Variants in GPR63 observed in about 807,000 individuals in gnomAD.
The protein encoded by GPR63 is G protein-coupled receptor 63.
In GPR63, 12 loss-of-function variants were observed where a neutral mutation model predicts 23.1. That is an observed-to-expected ratio of 0.52 (90% CI 0.33 to 0.84). The LOEUF (loss-of-function observed/expected upper bound fraction) is 0.84. GPR63 is among the 40% of genes least tolerant of loss of function. The pLI, the probability that GPR63 is intolerant of heterozygous loss-of-function variation, is 0.02. For missense variants in GPR63, 472 were observed against 515.6 expected, an observed-to-expected ratio of 0.92 and a Z score of 0.82; for synonymous variants, 172 against 191.1, an observed-to-expected ratio of 0.90 and a Z score of 0.82.
chr6:96,817,660 C>T (rs898131851), intron 1 of GPR63, among the ~76,000 whole-genome samples: 1 of 151,956 alleles, frequency 6.6e-6, no homozygotes, highest in East Asian at 1.9e-4. Context: ...TACACAGCCA[C>T]GAAAATGGGC....
At chr6:96,827,129 C>T (rs925647081) in intron 1 of GPR63, among the ~76,000 whole-genome samples, 1 of 147,568 alleles carries the variant, frequency 6.8e-6, no homozygotes, top group African/African-American at 2.5e-5. Context: ...GAAAAAAAGA[C>T]AAACTCACAA....
At chr6:96,802,314 C>T (rs2127944568) in intron 1 of GPR63, among the ~76,000 whole-genome samples, 1 of 152,228 alleles carries the variant, frequency 6.6e-6, no homozygotes, top group African/African-American at 2.4e-5. Context: ...TTCAATATTT[C>T]ATCAAATATC....
intron 1 of GPR63, among the ~76,000 whole-genome samples, chr6:96,833,780 T>C (rs1774650894): frequency 6.6e-6 from 1 of 151,898 alleles, no homozygotes; most frequent in Non-Finnish European, 1.5e-5. Flanking sequence ...AAGAATCAAT[T>C]AATATATATG....
intron 1 of GPR63, among the ~76,000 whole-genome samples, chr6:96,814,592 C>G (rs560602759): frequency 2.0e-5 from 3 of 152,180 alleles, no homozygotes; most frequent in African/African-American, 7.2e-5. Context: ...AAAGTTTCTG[C>G]TCTTTACAAA....
rs551125745 is a variant in GPR63 at position 96,820,779 on chromosome 6, T to C, written c.-151+16489A>G. 3.9e-5 allele frequency among the ~76,000 whole-genome samples: 6 copies of C among 152,306 alleles called. No individual in the cohort carries two copies. The East Asian group carries it at 9.6e-4, about 24-fold the overall frequency. On this transcript the variant is annotated intron_variant, in intron 1 of 1. Coordinates refer to ENST00000229955, the MANE Select transcript of GPR63 (RefSeq NM_030784.4). ...GCAACTCTGTACTCATCTGACCCCA[T>C]ATGCCTATCTTCACAATTAGACATT...
At position 96,798,912 on chromosome 6, in the gene GPR63, A is replaced by G. The variant is rs752888728; in HGVS notation, c.820T>C (p.Leu274=). The G allele has an allele frequency of 1.9e-6, 3 of 1,614,100 alleles. No individual in the cohort carries two copies. The highest frequency in any genetic ancestry group is 2.7e-5 in the African/African-American group (2 of 74,944). Residue 274 remains leucine (L), a synonymous_variant, in exon 2 of 2, where the codon TTG becomes CTG. Coordinates refer to ENST00000229955, the MANE Select transcript of GPR63 (RefSeq NM_030784.4). ...CCTTCAGGGTAGCTATGGATCCTCA[A>G]GGCATTGTGCCGAAGGGTGTTGAGT... ...GILNTLRHNA[L]RIHSYPEGIC...
chr6:96,812,837 A>T (rs570870115), intron 1 of GPR63, among the ~76,000 whole-genome samples: 368 of 152,206 alleles, frequency 2.4e-3, no homozygotes, highest in African/African-American at 8.4e-3. Flanking sequence ...TAACATTTCT[A>T]TGTGTTGGGA....
intron 1 of GPR63, among the ~76,000 whole-genome samples, chr6:96,823,328 G>A (rs1774357057): frequency 6.6e-6 from 1 of 152,084 alleles, no homozygotes; most frequent in Admixed American, 6.6e-5. Context: ...GGTGGGACAA[G>A]CTATAGAAGT....
chr6:96,824,763 T>C (rs1774397831), intron 1 of GPR63, among the ~76,000 whole-genome samples: 1 of 152,132 alleles, frequency 6.6e-6, no homozygotes, highest in African/African-American at 2.4e-5. Flanking sequence ...TGGTGTTTGG[T>C]TGTTACTGGG....
chr6:96,799,630 T>C lies in GPR63; in HGVS notation c.102A>G (p.Pro34=). Residue 34 remains proline, a synonymous_variant, in exon 2 of 2, where the codon CCA becomes CCG. Coordinates refer to ENST00000229955, the MANE Select transcript of GPR63 (RefSeq NM_030784.4). ...NTYMNITLPP[P]FQHPDLSPLL... ...ATGGACTGAGGTCAGGATGCTGGAA[T>C]GGTGGAGGGAGTGTAATATTCATGT... 1 of 1,614,102 alleles carries C rather than the reference T, an allele frequency of 6.2e-7. No individual in the cohort carries two copies. Among genetic ancestry groups the C allele is most frequent in the Non-Finnish European group, 8.5e-7 (1 of 1,180,014 alleles).
intron 1 of GPR63, among the ~76,000 whole-genome samples, chr6:96,819,221 T>C (rs1435106209): frequency 6.6e-6 from 1 of 152,192 alleles, no homozygotes; most frequent in East Asian, 1.9e-4. Flanking sequence ...CATGTACACA[T>C]ATGTTTACTG....
intron 1 of GPR63, among the ~76,000 whole-genome samples, chr6:96,816,037 G>A (rs1380990829): frequency 6.6e-6 from 1 of 151,992 alleles, no homozygotes; most frequent in Non-Finnish European, 1.5e-5. Flanking sequence ...AAAGATTAAT[G>A]AAAAAACTAA....
chr6:96,798,477 C>G lies in GPR63; in HGVS notation c.1255G>C (p.Val419Leu). ...VYVCGEHRTV[V>L] ...ATGTCAGCCAGTTCCAATATTCACA[C>G]CACCGTCCGATGTTCCCCACACACA... Residue 419 changes from valine (V) to leucine (L), a missense_variant, in exon 2 of 2, where the codon GTG becomes CTG. Coordinates refer to ENST00000229955, the MANE Select transcript of GPR63 (RefSeq NM_030784.4). 1 of 1,611,440 alleles carries G rather than the reference C, an allele frequency of 6.2e-7. No individual in the cohort carries two copies. Among genetic ancestry groups the G allele is most frequent in the South Asian group, 1.1e-5 (1 of 90,958 alleles).
intron 1 of GPR63, among the ~76,000 whole-genome samples, chr6:96,823,582 A>G (rs1003416548): frequency 6.6e-6 from 1 of 152,188 alleles, no homozygotes; most frequent in Non-Finnish European, 1.5e-5. Flanking sequence ...TAAGGTATTG[A>G]AGAAATTTTA....
chr6:96,818,187 C>T lies in GPR63; in HGVS notation c.-150-18306G>A, dbSNP rs116352616. Among the ~76,000 whole-genome samples the T allele has an allele frequency of 3.1e-3, 475 of 152,018 alleles. 2 individuals carry two copies. Among genetic ancestry groups the T allele is most frequent in the Middle Eastern group, 0.02 (6 of 294 alleles). On this transcript the variant is annotated intron_variant, in intron 1 of 1. Transcript: ENST00000229955. ...AAGTTAAAAAAATTTCATGGCCAGG[C>T]GTGGTGGCTCAGGCCTGTAATCCCA...
intron 1 of GPR63, among the ~76,000 whole-genome samples, chr6:96,806,353 C>A (rs926017052): frequency 1.3e-5 from 2 of 152,200 alleles, no homozygotes; most frequent in Non-Finnish European, 2.9e-5. Flanking sequence ...GCTGGCTTTT[C>A]TGGACTCTGG....
intron 1 of GPR63, among the ~76,000 whole-genome samples, chr6:96,833,439 T>C (rs1195688524): frequency 1.3e-5 from 2 of 152,236 alleles, no homozygotes; most frequent in Admixed American, 6.5e-5. Flanking sequence ...TAAAGTTACC[T>C]ACGCATTTGT....
intron 1 of GPR63, among the ~76,000 whole-genome samples, chr6:96,822,423 G>C (rs1299715151): frequency 6.6e-6 from 1 of 152,084 alleles, no homozygotes; most frequent in Non-Finnish European, 1.5e-5. Context: ...TAAAATCTAT[G>C]AAATAAGACT....
chr6:96,827,300 G>T lies in GPR63; in HGVS notation c.-151+9968C>A, dbSNP rs190999296. On this transcript the variant is annotated intron_variant, in intron 1 of 1. Transcript: ENST00000229955. The stretch of plus-strand genomic sequence containing the variant: ...ACAAAGTGGCGTATTAGACATAGTT[G>T]AAGTGAATAAACTGCAAGTTAGAAC... Among the ~76,000 whole-genome samples the T allele has an allele frequency of 1.7e-3, 262 of 152,156 alleles. 1 individual carries two copies. The highest frequency in any genetic ancestry group is 2.6e-3 in the Non-Finnish European group (175 of 67,988).
Sources: allele counts gnomAD v4.1 joint callset (sites outside exome capture counted in the v4.1 genomes callset), GRCh38; gene constraint gnomAD v4.1.1; transcripts MANE v1.5; gene names NCBI Gene and HGNC (gene_info 2026-07-23, HGNC 2026-07-21).